ABCC1: variants seen among roughly 807,000 people sequenced by gnomAD.
The protein encoded by ABCC1 is multidrug resistance-associated protein 1.
Under a neutral mutation model 172.9 loss-of-function variants are expected in ABCC1, and 83 were observed. That is an observed-to-expected ratio of 0.48 (90% CI 0.40 to 0.58). ABCC1 has a LOEUF of 0.58. Ranked by LOEUF, ABCC1 falls within the 20% of genes least tolerant of loss-of-function variation. The probability of loss-of-function intolerance (pLI) is 0.00; values close to 1 mark genes in which losing one functional copy is unlikely to be tolerated. For synonymous variants in ABCC1, 937 were observed against 825.2 expected (o/e 1.14, Z -2.32); for missense variants, 1,817 against 2,002.7 (o/e 0.91, Z 1.77).
At chr16:15,997,875 C>CTGA (rs2047112885) in intron 1 of ABCC1, among the ~76,000 whole-genome samples, 1 of 143,868 alleles carries the variant, frequency 7.0e-6, no homozygotes, top group Non-Finnish European at 1.5e-5. Flanking sequence ...GGACAATGAC[C>CTGA]TGATCTCTGC....
At chr16:16,041,727 C>T (rs1300182882) in intron 7 of ABCC1, among the ~76,000 whole-genome samples, 1 of 152,096 alleles carries the variant, frequency 6.6e-6, no homozygotes, top group East Asian at 1.9e-4. Context: ...AGGTGATGGA[C>T]GCCAGGGCTG....
intron 1 of ABCC1, among the ~76,000 whole-genome samples, chr16:15,981,018 G>T (rs2046608785): frequency 6.6e-6 from 1 of 152,198 alleles, no homozygotes; most frequent in Admixed American, 6.5e-5. Flanking sequence ...AAATCCAGTG[G>T]GGCAGTCATT....
intron 6 of ABCC1, among the ~76,000 whole-genome samples, chr16:16,035,312 G>A (rs556662350): frequency 6.6e-6 from 1 of 152,130 alleles, no homozygotes; most frequent in Non-Finnish European, 1.5e-5. Context: ...CAGGAGAATT[G>A]CTAGAATACA....
chr16:16,098,740 G>A, intron 19 of ABCC1: 1 of 755,220 alleles, frequency 1.3e-6, no homozygotes, highest in East Asian at 5.3e-5. Context: ...CACAAATGGA[G>A]CAGACCCTTC....
At chr16:15,985,456 T>A (rs2046721517) in intron 1 of ABCC1, among the ~76,000 whole-genome samples, 1 of 152,114 alleles carries the variant, frequency 6.6e-6, no homozygotes, top group Non-Finnish European at 1.5e-5. Context: ...CTTTTTTTTT[T>A]CTTTTGAGAC....
chr16:16,040,012 G>T (rs955888806), intron 7 of ABCC1, among the ~76,000 whole-genome samples: 2 of 152,098 alleles, frequency 1.3e-5, no homozygotes. Context: ...CACAGGCGCA[G>T]GTTTTCTGCA....
At chr16:16,035,830 T>C (rs1175731312) in intron 6 of ABCC1, among the ~76,000 whole-genome samples, 7 of 151,752 alleles carry the variant, frequency 4.6e-5, no homozygotes, top group Admixed American at 3.9e-4. Flanking sequence ...TTTTAAAAAG[T>C]TGGCGGGGCA....
chr16:16,135,275 C>G (rs1327313776), intron 28 of ABCC1, among the ~76,000 whole-genome samples: 1 of 152,118 alleles, frequency 6.6e-6, no homozygotes, highest in Non-Finnish European at 1.5e-5. Context: ...AACTATTGAA[C>G]AGAGTACCCG....
At chr16:15,971,310 G>C (rs920380253) in intron 1 of ABCC1, among the ~76,000 whole-genome samples, 1 of 152,178 alleles carries the variant, frequency 6.6e-6, no homozygotes, top group African/African-American at 2.4e-5. Flanking sequence ...TTGGGGAGGT[G>C]TGGTGGCGGC....
intron 5 of ABCC1, 96 bp from the exon 6 acceptor site, chr16:16,033,013 A>G: frequency 8.4e-7 from 1 of 1,193,374 alleles, no homozygotes; most frequent in Non-Finnish European, 1.2e-6. Context: ...TGGAAGGAAG[A>G]GTGAGCAGCT....
At chr16:16,027,738 G>C (rs2048424344) in intron 5 of ABCC1, among the ~76,000 whole-genome samples, 2 of 152,104 alleles carry the variant, frequency 1.3e-5, no homozygotes, top group Non-Finnish European at 2.9e-5. Context: ...ACTTGAACCT[G>C]GGAGGTCGAG....
chr16:16,054,300 A>G (rs189292034), intron 11 of ABCC1, among the ~76,000 whole-genome samples: 6 of 152,028 alleles, frequency 3.9e-5, no homozygotes, highest in Admixed American at 2.6e-4. Flanking sequence ...TGTGTGTGAT[A>G]TTATTACCAT....
chr16:16,101,204 G>A (rs578017172), intron 19 of ABCC1, among the ~76,000 whole-genome samples: 1 of 151,870 alleles, frequency 6.6e-6, no homozygotes, highest in Non-Finnish European at 1.5e-5. Flanking sequence ...GCTAATTTTT[G>A]TATTTTTAGA....
At chr16:16,109,317 T>C (rs2052284995) in intron 21 of ABCC1, among the ~76,000 whole-genome samples, 1 of 152,036 alleles carries the variant, frequency 6.6e-6, no homozygotes, top group Admixed American at 6.5e-5. Context: ...GCTGGGACTA[T>C]AGGTGTGGAC....
At chr16:16,136,910 G>C (rs1286423032) in intron 29 of ABCC1, among the ~76,000 whole-genome samples, 1 of 152,190 alleles carries the variant, frequency 6.6e-6, no homozygotes, top group African/African-American at 2.4e-5. Context: ...GTGGCTGTCA[G>C]TTGTTAAGCT....
rs192417702 is a variant in ABCC1, at chr16:16,023,542, C to T, written c.615+6921C>T. 3.9e-5 allele frequency among the ~76,000 whole-genome samples: 6 copies of T among 152,298 alleles called. No individual in the cohort carries two copies. The South Asian group carries it at 6.2e-4, about 16-fold the overall frequency. ...AAACTCCATTTTCTTTCCATTTCTC[C>T]GTCATGCTTTCAGTCATTTAATAAT... On this transcript the variant is annotated intron_variant, in intron 5 of 30. Coordinates refer to ENST00000399410, the MANE Select transcript of ABCC1 (RefSeq NM_004996.4).
intron 7 of ABCC1, among the ~76,000 whole-genome samples, chr16:16,037,170 A>G (rs1414009076): frequency 2.0e-5 from 3 of 151,752 alleles, no homozygotes; most frequent in Non-Finnish European, 4.4e-5. Flanking sequence ...GCGCGTGACT[A>G]TCCCTCCTTG....
At chr16:16,019,412 C>G (rs1470354777) in intron 5 of ABCC1, among the ~76,000 whole-genome samples, 1 of 152,026 alleles carries the variant, frequency 6.6e-6, no homozygotes. Context: ...CCGAGCCATT[C>G]TTTAGAACTG....
chr16:15,972,955 A>T (rs1461192701), intron 1 of ABCC1, among the ~76,000 whole-genome samples: 1 of 151,216 alleles, frequency 6.6e-6, no homozygotes, highest in African/African-American at 2.4e-5. Flanking sequence ...GCACCACCAT[A>T]CCTGGCTAAT....
Sources: gnomAD v4.1 joint callset for allele counts (sites outside exome capture counted in the v4.1 genomes callset) on GRCh38, gnomAD v4.1.1 for gene constraint, MANE v1.5 for transcripts, NCBI Gene and HGNC (gene_info 2026-07-23, HGNC 2026-07-21) for gene names.